Variants in MFSD6 observed in about 807,000 individuals in gnomAD.
MFSD6 encodes the protein major facilitator superfamily domain containing 6.
In MFSD6, 26 loss-of-function variants were observed where a neutral mutation model predicts 56.3. The observed-to-expected ratio is 0.46, with a 90% CI of 0.34 to 0.64. The LOEUF (loss-of-function observed/expected upper bound fraction) is 0.64, where lower values mean the gene tolerates loss of function less well. Among genes scored for constraint, MFSD6 ranks in the 30% least tolerant of loss-of-function variants. The pLI, the probability that MFSD6 is intolerant of heterozygous loss-of-function variation, is 0.01. For missense variants in MFSD6, 750 were observed against 986.2 expected (o/e 0.76, Z 3.21); for synonymous variants, 331 against 366.9 (o/e 0.90, Z 1.12).
intron 3 of MFSD6, among the ~76,000 whole-genome samples, chr2:190,441,474 G>C (rs1686373906): frequency 6.7e-6 from 1 of 149,490 alleles, no homozygotes; most frequent in South Asian, 2.3e-4. Context: ...TACAGGAAAG[G>C]AGGAGGGGCG....
rs557840339 is a variant in MFSD6 at position 190,433,522 on chromosome 2, A to C, written c.-53-2455A>C. The stretch of plus-strand genomic sequence containing the variant: ...TAAGAAAAACCTGATTTGGAAACTA[A>C]ATAGAGGTGGTGGCCATATACATTG... On this transcript the variant is annotated intron_variant, in intron 2 of 7. Transcript: ENST00000392328. This position sits in a 1 kb window ranked among gnomAD's most constrained non-coding sequence, Gnocchi z 4.5. The C allele has an allele frequency of 1.3e-5, 2 of 152,342 alleles. No individual in the cohort carries two copies. Among genetic ancestry groups the C allele is most frequent in the Non-Finnish European group, 1.5e-5 (1 of 68,030 alleles). The allele number at this position is 152,342 out of a possible 1,614,324, so 9.4% of individuals were successfully genotyped here.
rs1687027053 is a variant in MFSD6, at chr2:190,456,127, G to A, written c.1533-13631G>A. Among the ~76,000 whole-genome samples, 1 of 151,704 alleles carries A rather than the reference G, an allele frequency of 6.6e-6. No homozygotes were observed. The highest frequency in any genetic ancestry group is 6.6e-5 in the Admixed American group (1 of 15,242). ...AGCTAATTTTTATATTTTTAGTAGA[G>A]ATGGGGTTTCACCATGTTGGTCAGG... is the stretch of plus-strand genomic sequence containing the variant. On this transcript the variant is annotated intron_variant, in intron 3 of 7. Transcript: ENST00000392328. The surrounding 1 kb of genome is among the most constrained non-coding windows in gnomAD (Gnocchi z 5.4).
In MFSD6 at chr2:190,447,109, G is replaced by C. The variant is rs1446602632; in HGVS notation, c.1532+9548G>C. On this transcript the variant is annotated intron_variant, in intron 3 of 7. Coordinates refer to ENST00000392328, the MANE Select transcript of MFSD6 (RefSeq NM_017694.4). The surrounding 1 kb of genome is among the most constrained non-coding windows in gnomAD (Gnocchi z 4.5). ...CTCAGTAAAAAAAAAAACTTGAAAGGATGTCTTGACACACAAAATATAAAA... is the reference window on the plus strand; with the variant it reads ...CTCAGTAAAAAAAAAAACTTGAAAGCATGTCTTGACACACAAAATATAAAA... Among the ~76,000 whole-genome samples the C allele has an allele frequency of 3.9e-5, 6 of 152,248 alleles. No individual in the cohort carries two copies. The East Asian group carries it at 1.2e-3, about 29-fold the overall frequency.
chr2:190,451,055 GTCA>G lies in MFSD6; in HGVS notation c.1532+13500_1532+13502del, dbSNP rs1559118622. Among the ~76,000 whole-genome samples, 1 of 152,180 alleles carries G rather than the reference GTCA, an allele frequency of 6.6e-6. No individual in the cohort carries two copies. Among genetic ancestry groups the G allele is most frequent in the Admixed American group, 6.5e-5 (1 of 15,282 alleles). Reference sequence around the variant, plus strand: ...GCAAGTTGGTCTAGGCTTGACTCCAGTCATCATCCTAAGCCCTGGTAGGATCGT... The same window carrying G: ...GCAAGTTGGTCTAGGCTTGACTCCAGTCATCCTAAGCCCTGGTAGGATCGT... On this transcript the variant is annotated intron_variant, in intron 3 of 7. Transcript: ENST00000392328. The surrounding 1 kb of genome is among the most constrained non-coding windows in gnomAD (Gnocchi z 5.0).
chr2:190,490,419 C>T lies in MFSD6; in HGVS notation c.1891+553C>T, dbSNP rs1341892280. Among the ~76,000 whole-genome samples, 1 of 151,876 alleles carries T rather than the reference C, an allele frequency of 6.6e-6. No individual in the cohort carries two copies. Among genetic ancestry groups the T allele is most frequent in the Non-Finnish European group, 1.5e-5 (1 of 67,968 alleles). On this transcript the variant is annotated intron_variant, in intron 6 of 7. Coordinates refer to ENST00000392328, the MANE Select transcript of MFSD6 (RefSeq NM_017694.4). The surrounding 1 kb of genome is among the most constrained non-coding windows in gnomAD (Gnocchi z 4.5). ...TCTACTAAAAATATAAAAAATTAGCCGGGCACGGTGGTGGGCGCCTGTAAT... is the reference window on the plus strand; with the variant it reads ...TCTACTAAAAATATAAAAAATTAGCTGGGCACGGTGGTGGGCGCCTGTAAT...
In MFSD6 at chr2:190,424,067, T is replaced by G. The variant is rs921226475; in HGVS notation, c.-54+8654T>G. On this transcript the variant is annotated intron_variant, in intron 2 of 7. Coordinates refer to ENST00000392328, the MANE Select transcript of MFSD6 (RefSeq NM_017694.4). The surrounding 1 kb of genome is among the most constrained non-coding windows in gnomAD (Gnocchi z 5.9). ...GCTGGATTTGTGGTTTCCAAGTATT[T>G]TCTCACAGTCTGTAGCTTGTGTTTT... Among the ~76,000 whole-genome samples the G allele has an allele frequency of 9.2e-5, 14 of 152,346 alleles. No individual in the cohort carries two copies. Among genetic ancestry groups the G allele is most frequent in the African/African-American group, 2.9e-4 (12 of 41,572 alleles).
Position 190,469,777 on chromosome 2 carries a change from G to C in MFSD6, c.1552G>C (p.Ala518Pro). ...TTTTAGGGTTCTGTACATTGGCCTG[G>C]CCTGCAATACGGCTCGCTATATTTA... Reference protein sequence around the residue: ...GHIRVLYIGLACNTARYIYIS... With the variant: ...GHIRVLYIGLPCNTARYIYIS... Residue 518 changes from alanine (A) to proline (P), a missense_variant, in exon 4 of 8, where the codon GCC becomes CCC. Physicochemically the swap from Ala to Pro is conservative, Grantham distance 27 (BLOSUM62 -1). This residue lies in a region of MFSD6 where 125 missense variants were observed against 223.1 expected (regional missense o/e 0.56). Coordinates refer to ENST00000392328, the MANE Select transcript of MFSD6 (RefSeq NM_017694.4). This position sits in a 1 kb window ranked among gnomAD's most constrained non-coding sequence, Gnocchi z 5.3. 6.3e-7 allele frequency: 1 copy of C among 1,588,842 alleles called. No homozygotes were observed. The highest frequency in any genetic ancestry group is 8.6e-7 in the Non-Finnish European group (1 of 1,167,520).
At chr2:190,444,361 C>T (rs1198723624) in intron 3 of MFSD6, among the ~76,000 whole-genome samples, 1 of 152,136 alleles carries the variant, frequency 6.6e-6, no homozygotes, top group Non-Finnish European at 1.5e-5. Flanking sequence ...TGGAATCCTG[C>T]CAGCCAACTT....
Position 190,415,929 on chromosome 2 carries a change from CT to C in MFSD6, c.-54+517del, listed in dbSNP as rs1690756628. ...TGTATAGATTGTGCTTTATTTAACC[CT>C]CTTAACTTCCTCAGTGTCTAATAGT... is the stretch of plus-strand genomic sequence containing the variant. On this transcript the variant is annotated intron_variant, in intron 2 of 7. Transcript: ENST00000392328. The surrounding 1 kb of genome is among the most constrained non-coding windows in gnomAD (Gnocchi z 4.5). Among the ~76,000 whole-genome samples, 1 of 152,194 alleles carries C rather than the reference CT, an allele frequency of 6.6e-6. No individual in the cohort carries two copies. Among genetic ancestry groups the C allele is most frequent in the Admixed American group, 6.5e-5 (1 of 15,280 alleles).
rs912104622 is a variant in MFSD6, at chr2:190,451,057, C to G, written c.1532+13496C>G. 6.6e-6 allele frequency among the ~76,000 whole-genome samples: 1 copy of G among 152,162 alleles called. No individual in the cohort carries two copies. The highest frequency in any genetic ancestry group is 2.4e-5 in the African/African-American group (1 of 41,440). On this transcript the variant is annotated intron_variant, in intron 3 of 7. Transcript: ENST00000392328. The surrounding 1 kb of genome is among the most constrained non-coding windows in gnomAD (Gnocchi z 5.0). ...AAGTTGGTCTAGGCTTGACTCCAGT[C>G]ATCATCCTAAGCCCTGGTAGGATCG...
chr2:190,478,834 T>TC (rs1175794052), intron 4 of MFSD6, among the ~76,000 whole-genome samples: 1 of 32,814 alleles, frequency 3.0e-5, no homozygotes, highest in East Asian at 0.019. Flanking sequence ...AGGGTCTTCC[T>TC]TAAAAAAAAA....
intron 4 of MFSD6, among the ~76,000 whole-genome samples, chr2:190,480,926 T>A (rs1354904560): frequency 6.6e-6 from 1 of 152,192 alleles, no homozygotes; most frequent in African/African-American, 2.4e-5. Flanking sequence ...ATTTAAAAGA[T>A]CCTATTCTAA....
At chr2:190,452,271 A>C (rs1686802745) in intron 3 of MFSD6, among the ~76,000 whole-genome samples, 1 of 152,104 alleles carries the variant, frequency 6.6e-6, no homozygotes, top group African/African-American at 2.4e-5. Flanking sequence ...AACAACAATA[A>C]CACAACAACA....
At position 190,436,342 on chromosome 2, in the gene MFSD6, C is replaced by A. The variant is rs906099662; in HGVS notation, c.313C>A (p.Leu105Ile). 1 of 1,614,212 alleles carries A rather than the reference C, an allele frequency of 6.2e-7. No homozygotes were observed. The highest frequency in any genetic ancestry group is 8.5e-7 in the Non-Finnish European group (1 of 1,180,042). The change falls in exon 3 of 8, where the codon CTA becomes ATA. Residue 105 changes from leucine (L) to isoleucine (I), a missense_variant. Coordinates refer to ENST00000392328, the MANE Select transcript of MFSD6 (RefSeq NM_017694.4). The surrounding 1 kb of genome is among the most constrained non-coding windows in gnomAD (Gnocchi z 5.3). Reference sequence around the variant, plus strand: ...GGGAATGTCTCCAAGCCAGAGTGGACTACTAGTAGGTATTCGTTACTTCAT... The same window carrying A: ...GGGAATGTCTCCAAGCCAGAGTGGAATACTAGTAGGTATTCGTTACTTCAT... ...QLGMSPSQSG[L>I]LVGIRYFIEF... is the part of the protein sequence containing the mutation.
At chr2:190,442,108 G>C (rs896534290) in intron 3 of MFSD6, among the ~76,000 whole-genome samples, 3 of 152,144 alleles carry the variant, frequency 2.0e-5, no homozygotes, top group African/African-American at 7.2e-5. Flanking sequence ...CTTAAGGGAG[G>C]ATTAATTCTT....
intron 2 of MFSD6, among the ~76,000 whole-genome samples, chr2:190,422,168 T>A (rs1685641079): frequency 6.6e-6 from 1 of 152,262 alleles, no homozygotes; most frequent in South Asian, 2.1e-4. Context: ...ATTTATCAGT[T>A]ATTCATCCTT....
Position 190,489,384 on chromosome 2 carries a change from G to A in MFSD6, c.1793-384G>A, listed in dbSNP as rs375438774. Among the ~76,000 whole-genome samples, 29 of 152,288 alleles carry A rather than the reference G, an allele frequency of 1.9e-4. 2 individuals are homozygous for A. Among genetic ancestry groups the A allele is most frequent in the African/African-American group, 6.7e-4 (28 of 41,560 alleles). On this transcript the variant is annotated intron_variant, in intron 5 of 7. Transcript: ENST00000392328. The surrounding 1 kb of genome is among the most constrained non-coding windows in gnomAD (Gnocchi z 6.6). Reference sequence around the variant, plus strand: ...ATATAAGGTGGGCCCCAGGAAATGCGTGCATTTATAGCACTATTTGAGCAC... The same window carrying A: ...ATATAAGGTGGGCCCCAGGAAATGCATGCATTTATAGCACTATTTGAGCAC...
chr2:190,466,890 C>T (rs900914612), intron 3 of MFSD6, among the ~76,000 whole-genome samples: 26 of 152,148 alleles, frequency 1.7e-4, no homozygotes, highest in African/African-American at 6.0e-4. Flanking sequence ...AGTTGTGAAC[C>T]GGTCACTCCA....
intron 2 of MFSD6, among the ~76,000 whole-genome samples, chr2:190,432,456 C>G (rs759336854): frequency 6.6e-6 from 1 of 152,126 alleles, no homozygotes; most frequent in Non-Finnish European, 1.5e-5. Flanking sequence ...GCTCCGTCAC[C>G]CAGGCTGGAG....
Sources: allele counts gnomAD v4.1 joint callset (sites outside exome capture counted in the v4.1 genomes callset), GRCh38; gene constraint gnomAD v4.1.1; regional missense constraint gnomAD v4.1.1; non-coding constraint Gnocchi (gnomAD v3.1); transcripts MANE v1.5; gene names NCBI Gene and HGNC (gene_info 2026-07-23, HGNC 2026-07-21).